KLHL35: variants seen among roughly 807,000 people sequenced by gnomAD.
KLHL35 encodes the protein kelch-like protein 35.
In KLHL35, 50 loss-of-function variants were observed where a neutral mutation model predicts 44.0. The observed-to-expected ratio is 1.14, with a 90% CI of 0.91 to 1.44. The LOEUF is 1.44. Ranked by LOEUF, KLHL35 falls within the 40% of genes most tolerant of loss-of-function variation. KLHL35 has a pLI of 0.00. For missense variants in KLHL35, 1,049 were observed against 887.8 expected (o/e 1.18, Z -2.31); for synonymous variants, 470 against 410.4 (o/e 1.15, Z -1.76).
chr11:75,430,485 C>A lies in KLHL35; in HGVS notation c.145G>T (p.Gly49Trp), dbSNP rs1208177805. Reference protein sequence around the residue: ...TLTDVVLRAGGRDFPCHRAAL... With the variant: ...TLTDVVLRAGWRDFPCHRAAL... ...GCGCGGTGGCACGGAAAGTCGCGCC[C>A]GCCGGCGCGCAGCACCACGTCGGTG... The change falls in exon 2 of 7, where the codon GGG (glycine) becomes TGG (tryptophan). Residue 49 changes from glycine (G) to tryptophan (W), a missense_variant. Coordinates refer to ENST00000539798, the MANE Select transcript of KLHL35 (RefSeq NM_001039548.3). The A allele has an allele frequency of 4.3e-6, 6 of 1,406,084 alleles. No homozygotes were observed. Among genetic ancestry groups the A allele is most frequent in the South Asian group, 1.5e-5 (1 of 67,362 alleles). 87.1% of individuals were successfully genotyped at this position (1,406,084 alleles called of 1,614,324 possible).
chr11:75,430,011 CG>C lies in KLHL35; in HGVS notation c.618del (p.Ala207ArgfsTer92). The C allele has an allele frequency of 7.1e-7, 1 of 1,416,368 alleles. No homozygotes were observed. Among genetic ancestry groups the C allele is most frequent in the South Asian group, 1.4e-5 (1 of 69,904 alleles). The allele number at this position is 1,416,368 out of a possible 1,614,324, so 87.7% of individuals were successfully genotyped here. A position where few individuals can be genotyped will look rare whatever the true frequency, so the allele number is the denominator to read the frequency against. ...PDEVVALLADPALGVAREEAV... is the reference protein window; with the variant it reads ...PDEVVALLADXALGVAREEAV... ...GCCTCCTCGCGCGCCACGCCCAGCG[CG>C]GGGTCCGCCAGCAGCGCCACCACCT... On this transcript the variant is annotated frameshift_variant, in exon 2 of 7. Coordinates refer to ENST00000539798, the MANE Select transcript of KLHL35 (RefSeq NM_001039548.3). LOFTEE classifies it high-confidence loss of function.
At chr11:75,428,749 C>G in intron 2 of KLHL35, 123 bp from the exon 3 acceptor site, 1 of 827,220 alleles carries the variant, frequency 1.2e-6, no homozygotes, top group Non-Finnish European at 1.8e-6. Flanking sequence ...CCCCCGCCCA[C>G]CCGATCCCCC....
intron 5 of KLHL35, chr11:75,424,430 G>A (rs1456132722): frequency 1.3e-5 from 2 of 153,168 alleles, no homozygotes; most frequent in Non-Finnish European, 2.9e-5. Flanking sequence ...GAGGTGTCTT[G>A]CAGCCCTATT....
rs1388001099 is a variant in KLHL35, at chr11:75,425,536, C to A, written c.1231G>T (p.Val411Leu). ...TTGGAGAAGGGGTCGTAGCGCTCCACGCTGTGCAGGCGCCTCAGGCCGTCG... is the reference window on the plus strand; with the variant it reads ...TTGGAGAAGGGGTCGTAGCGCTCCAAGCTGTGCAGGCGCCTCAGGCCGTCG... The part of the protein sequence containing the change: ...GFDGLRRLHS[V>L]ERYDPFSNTW... The change falls in exon 5 of 7, where the codon GTG becomes TTG. Residue 411 changes from valine (V) to leucine (L), a missense_variant. Coordinates refer to ENST00000539798, the MANE Select transcript of KLHL35 (RefSeq NM_001039548.3). 1.3e-6 allele frequency: 2 copies of A among 1,529,410 alleles called. No homozygotes were observed. The highest frequency in any genetic ancestry group is 2.4e-5 in the East Asian group (1 of 41,342). 94.7% of individuals were successfully genotyped at this position (1,529,410 alleles called of 1,614,324 possible).
intron 5 of KLHL35, among the ~76,000 whole-genome samples, 200 bp downstream of exon 5, chr11:75,425,193 T>C (rs1405263322): frequency 2.0e-5 from 3 of 152,336 alleles, no homozygotes; most frequent in African/African-American, 2.4e-5. Context: ...TGAGTCCCAG[T>C]GTGCTGCTGA....
rs965641464 is a variant in KLHL35 at position 75,428,504 on chromosome 11, A to C, written c.1004T>G (p.Leu335Arg). Residue 335 changes from leucine (L) to arginine (R), a missense_variant, in exon 3 of 7, where the codon CTG becomes CGG. Leu to Arg is a moderately radical substitution (Grantham distance 102, BLOSUM62 -2). Coordinates refer to ENST00000539798, the MANE Select transcript of KLHL35 (RefSeq NM_001039548.3). ...ESQRWTPLPS[L>R]PGYTRSEFAA... ...GAATTCTGAGCGAGTGTAGCCGGGC[A>C]GGCTGGGCAGTGGGGTCCACCGCTG... 9.3e-6 allele frequency: 15 copies of C among 1,612,390 alleles called. No homozygotes were observed. Among genetic ancestry groups the C allele is most frequent in the Non-Finnish European group, 1.1e-5 (13 of 1,179,886 alleles).
At chr11:75,424,153 C>T (rs193085359) in intron 5 of KLHL35, 23 of 419,398 alleles carry the variant, frequency 5.5e-5, no homozygotes, top group Admixed American at 1.6e-4. Context: ...AAATGCCACC[C>T]CATCCTTAAA....
chr11:75,423,622 G>A, intron 6 of KLHL35, 70 bp downstream of exon 6: 1 of 1,333,438 alleles, frequency 7.5e-7, no homozygotes, highest in Non-Finnish European at 1.1e-6. Context: ...GGAGTCACAA[G>A]ATTCACAAGC....
chr11:75,427,465 CTT>C (rs1948501351), intron 3 of KLHL35, among the ~76,000 whole-genome samples: 1 of 152,244 alleles, frequency 6.6e-6, no homozygotes, highest in Non-Finnish European at 1.5e-5. Context: ...GTAGCCCCAT[CTT>C]TGTTTATTCC....
At position 75,422,721 on chromosome 11, in the gene KLHL35, G is replaced by A. The variant is rs11539810; in HGVS notation, c.1611C>T (p.Gly537=). 0.077 allele frequency: 123,850 copies of A among 1,613,878 alleles called. 6,387 individuals carry two copies. Among genetic ancestry groups the A allele is most frequent in the South Asian group, 0.22 (19,761 of 91,080 alleles). Residue 537 remains glycine, a synonymous_variant, in exon 7 of 7, where the codon GGC becomes GGT. Transcript: ENST00000539798. ...TVCDGKVHIL[G]GRDDRGESTD... Reference sequence around the variant, plus strand: ...TGCTTTCTCCGCGATCATCCCGCCCGCCAAGGATGTGGACCTTCCCGTCAC... The same window carrying A: ...TGCTTTCTCCGCGATCATCCCGCCCACCAAGGATGTGGACCTTCCCGTCAC...
At chr11:75,425,320 C>G (rs1948479684) in intron 5 of KLHL35, 73 bp downstream of exon 5, 1 of 1,432,806 alleles carries the variant, frequency 7.0e-7, no homozygotes, top group South Asian at 1.4e-5. Flanking sequence ...CATGGAAACG[C>G]CCAATTCTGC....
Position 75,425,550 on chromosome 11 carries a change from C to T in KLHL35, c.1217G>A (p.Arg406Lys). The T allele has an allele frequency of 1.3e-6, 2 of 1,493,656 alleles. No individual in the cohort carries two copies. Among genetic ancestry groups the T allele is most frequent in the East Asian group, 2.6e-5 (1 of 38,992 alleles). The allele number at this position is 1,493,656 out of a possible 1,614,324, so 92.5% of individuals were successfully genotyped here. ...LFAVGGFDGL[R>K]RLHSVERYDP... ...GTAGCGCTCCACGCTGTGCAGGCGC[C>T]TCAGGCCGTCGAAGCCACCCACCGC... Residue 406 changes from arginine (R) to lysine (K), a missense_variant, in exon 5 of 7, where the codon AGG becomes AAG. Transcript: ENST00000539798.
rs1948522050 is a variant in KLHL35, at chr11:75,430,113, G to A, written c.517C>T (p.Arg173Cys). ...GCCTGACGCAGGACGCGGCCGCAGC[G>A]CTCGGCCAGCGGGGCCAGCGAGAAG... ...AAFSLAPLAERCGRVLRQAFA... is the reference protein window; with the variant it reads ...AAFSLAPLAECCGRVLRQAFA... The change falls in exon 2 of 7, where the codon CGC (arginine) becomes TGC (cysteine). Residue 173 changes from arginine to cysteine, a missense_variant. By Grantham distance (180) the Arg-to-Cys change is radical. Coordinates refer to ENST00000539798, the MANE Select transcript of KLHL35 (RefSeq NM_001039548.3). The A allele has an allele frequency of 7.8e-6, 10 of 1,284,362 alleles. No homozygotes were observed. Among genetic ancestry groups the A allele is most frequent in the South Asian group, 2.4e-5 (1 of 42,120 alleles). The allele number at this position is 1,284,362 out of a possible 1,614,324, so 79.6% of individuals were successfully genotyped here. A position where few individuals can be genotyped will look rare whatever the true frequency, so the allele number is the denominator to read the frequency against.
In KLHL35 at chr11:75,430,409, C is replaced by A. The variant is rs1279276999; in HGVS notation, c.221G>T (p.Arg74Leu). The A allele has an allele frequency of 7.3e-7, 1 of 1,361,086 alleles. No homozygotes were observed. The allele number at this position is 1,361,086 out of a possible 1,614,324, so 84.3% of individuals were successfully genotyped here. A position where few individuals can be genotyped will look rare whatever the true frequency, so the allele number is the denominator to read the frequency against. The change falls in exon 2 of 7, where the codon CGG (arginine) becomes CTG (leucine). Residue 74 changes from arginine (R) to leucine (L), a missense_variant. Coordinates refer to ENST00000539798, the MANE Select transcript of KLHL35 (RefSeq NM_001039548.3). ...CACCACGGCCGGGCCGCGCTCGGGCCGCCCGGCCGCGAACAAGCTGCGGAA... is the reference window on the plus strand; with the variant it reads ...CACCACGGCCGGGCCGCGCTCGGGCAGCCCGGCCGCGAACAAGCTGCGGAA... ...AYFRSLFAAGRPERGPAVVPV... is the reference protein window; with the variant it reads ...AYFRSLFAAGLPERGPAVVPV...
At chr11:75,428,882 C>A (rs556957173) in intron 2 of KLHL35, among the ~76,000 whole-genome samples, 55 of 152,320 alleles carry the variant, frequency 3.6e-4, no homozygotes, top group African/African-American at 1.3e-3. Flanking sequence ...TTTACAGAGC[C>A]CTTGCCCTCA....
At chr11:75,427,997 G>A (rs961544082) in intron 3 of KLHL35, among the ~76,000 whole-genome samples, 4 of 152,218 alleles carry the variant, frequency 2.6e-5, no homozygotes, top group African/African-American at 9.6e-5. Flanking sequence ...GAGCCTTAGG[G>A]AGGACACAGT....
At position 75,430,151 on chromosome 11, in the gene KLHL35, C is replaced by A; in HGVS notation, c.479G>T (p.Arg160Leu). ...GGCCAGCGAGAAGGCGGCGGCCACG[C>A]GGCGCAGCGCTAGGCTGTTGGCGGC... ...LRAANSLALRRVAAAFSLAPL... is the reference protein window; with the variant it reads ...LRAANSLALRLVAAAFSLAPL... Residue 160 changes from arginine (R) to leucine (L), a missense_variant, in exon 2 of 7, where the codon CGC (arginine) becomes CTC (leucine). By Grantham distance (102) the Arg-to-Leu change is moderately radical. Transcript: ENST00000539798. 1 of 1,245,986 alleles carries A rather than the reference C, an allele frequency of 8.0e-7. No homozygotes were observed. The highest frequency in any genetic ancestry group is 2.7e-5 in the South Asian group (1 of 36,534). The allele number at this position is 1,245,986 out of a possible 1,614,324, so 77.2% of individuals were successfully genotyped here.
At position 75,426,198 on chromosome 11, in the gene KLHL35, G is replaced by A. The variant is rs189611418; in HGVS notation, c.1185+322C>T. 6.8e-4 allele frequency: 114 copies of A among 167,548 alleles called. 1 individual carries two copies. In the East Asian group the frequency reaches 0.015, roughly 22 times the overall value. The allele number at this position is 167,548 out of a possible 1,614,324, so 10.4% of individuals were successfully genotyped here. A position where few individuals can be genotyped will look rare whatever the true frequency, so the allele number is the denominator to read the frequency against. ...TCTGGATCTCCTGACCTCGTGATCC[G>A]CCCGCCTTGGCCTCCCAAAGTGCTG... On this transcript the variant is annotated intron_variant, in intron 4 of 6. Coordinates refer to ENST00000539798, the MANE Select transcript of KLHL35 (RefSeq NM_001039548.3).
At chr11:75,429,004 T>C (rs2135083352) in intron 2 of KLHL35, among the ~76,000 whole-genome samples, 1 of 152,322 alleles carries the variant, frequency 6.6e-6, no homozygotes, top group South Asian at 2.1e-4. Flanking sequence ...CCCAAAGCCA[T>C]TAAGCGTCAG....
Sources: allele counts gnomAD v4.1 joint callset (sites outside exome capture counted in the v4.1 genomes callset), GRCh38; gene constraint gnomAD v4.1.1; transcripts MANE v1.5; gene names NCBI Gene and HGNC (gene_info 2026-07-23, HGNC 2026-07-21).